Variants in NMBR observed in about 807,000 individuals in gnomAD.
The protein encoded by NMBR is neuromedin-B receptor.
A neutral mutation model predicts 20.5 loss-of-function variants in NMBR; 16 were observed. The observed-to-expected ratio is 0.78, with a 90% CI of 0.53 to 1.19. NMBR has a LOEUF of 1.19. Ranked by LOEUF, NMBR falls within the 50% of genes most tolerant of loss-of-function variation. NMBR has a pLI of 0.00. For missense variants in NMBR, 582 were observed against 499.1 expected, an observed-to-expected ratio of 1.17 and a Z score of -1.58; for synonymous variants, 212 against 196.6, an observed-to-expected ratio of 1.08 and a Z score of -0.65.
intron 1 of NMBR, among the ~76,000 whole-genome samples, chr6:142,120,685 T>A (rs763901116): frequency 2.6e-5 from 4 of 151,964 alleles, no homozygotes; most frequent in Non-Finnish European, 2.9e-5. Flanking sequence ...GTTACCTTGG[T>A]TGTCAGCCTA....
intron 2 of NMBR, among the ~76,000 whole-genome samples, chr6:142,080,311 CTTTT>C (rs767477652): frequency 8.6e-6 from 1 of 116,188 alleles, no homozygotes; most frequent in Non-Finnish European, 1.7e-5. Context: ...TGCCCTATAT[CTTTT>C]TTTTTTTTTT....
Position 142,075,788 on chromosome 6 carries a change from A to T in NMBR, c.1033T>A (p.Ser345Thr), listed in dbSNP as rs544356213. ...TAGCTGGTTCCTCTCTCTTGATAGG[A>T]CTTCCTCCCACAGCAGAGTTGGCTG... ...FNSQLCCGRK[S>T]YQERGTSYLL... is the part of the protein sequence containing the mutation. The change falls in exon 4 of 4, where the codon TCC (serine) becomes ACC (threonine). Residue 345 changes from serine (S) to threonine (T), a missense_variant. Transcript: ENST00000258042. 5 of 1,614,070 alleles carry T rather than the reference A, an allele frequency of 3.1e-6. No homozygotes were observed. In the East Asian group the frequency reaches 8.9e-5, roughly 29 times the overall value.
intron 2 of NMBR, among the ~76,000 whole-genome samples, chr6:142,085,098 C>T (rs1777174139): frequency 6.6e-6 from 1 of 152,180 alleles, no homozygotes; most frequent in South Asian, 2.1e-4. Context: ...ATACCATGCA[C>T]TGTCTCTCCT....
intron 1 of NMBR, among the ~76,000 whole-genome samples, chr6:142,092,213 T>C (rs538943458): frequency 1.3e-5 from 2 of 151,968 alleles, no homozygotes; most frequent in South Asian, 4.2e-4. Context: ...AAAATGGAAC[T>C]GGCGAAAGAA....
At chr6:142,124,801 CAATA>C (rs1274456893) in intron 1 of NMBR, among the ~76,000 whole-genome samples, 1 of 151,784 alleles carries the variant, frequency 6.6e-6, no homozygotes, top group African/African-American at 2.4e-5. Flanking sequence ...AAATTACTGA[CAATA>C]AATCTCAGAG....
At chr6:142,118,864 A>C (rs922599929) in intron 1 of NMBR, among the ~76,000 whole-genome samples, 3 of 152,042 alleles carry the variant, frequency 2.0e-5, no homozygotes, top group Non-Finnish European at 4.4e-5. Flanking sequence ...TGTGTCTTAC[A>C]TTCATGCTCC....
intron 1 of NMBR, among the ~76,000 whole-genome samples, chr6:142,138,449 TA>T (rs1433791409): frequency 6.6e-6 from 1 of 152,140 alleles, no homozygotes; most frequent in Non-Finnish European, 1.5e-5. Context: ...CATCAAGATT[TA>T]ATACCTTTAT....
intron 1 of NMBR, among the ~76,000 whole-genome samples, chr6:142,111,939 C>G (rs76797693): frequency 1.2e-3 from 177 of 152,266 alleles, no homozygotes; most frequent in African/African-American, 4.1e-3. Context: ...ATACTTCAAC[C>G]CTTTCTAATT....
Position 142,075,099 on chromosome 6 carries a change from CAT to C in NMBR, c.*547_*548del, listed in dbSNP as rs916824986. Among the ~76,000 whole-genome samples the C allele has an allele frequency of 2.6e-5, 3 of 115,332 alleles. No individual in the cohort carries two copies. The highest frequency in any genetic ancestry group is 5.2e-5 in the Non-Finnish European group (3 of 57,632). The allele number at this position is 115,332 out of a possible 152,430, so 75.7% of individuals were successfully genotyped here. On this transcript the variant is annotated 3_prime_UTR_variant, in exon 4 of 4. Coordinates refer to ENST00000258042, the MANE Select transcript of NMBR (RefSeq NM_002511.4). ...GTGTGTGTGTACATATATACATATACATATATATATACACACACACACACACT... is the reference window on the plus strand; with the variant it reads ...GTGTGTGTGTACATATATACATATACATATATATACACACACACACACACT...
At chr6:142,096,144 T>C (rs1366250663) in intron 1 of NMBR, among the ~76,000 whole-genome samples, 11 of 151,964 alleles carry the variant, frequency 7.2e-5, no homozygotes, top group Admixed American at 5.3e-4. Context: ...TTTTGTGTCT[T>C]TATTTCCTTC....
chr6:142,134,537 A>G, intron 1 of NMBR: 1 of 542,856 alleles, frequency 1.8e-6, no homozygotes, highest in Non-Finnish European at 3.2e-6. Context: ...TAGGTGTTCT[A>G]GGCATTACAA....
At chr6:142,127,462 T>C (rs954869891) in intron 1 of NMBR, among the ~76,000 whole-genome samples, 6 of 152,030 alleles carry the variant, frequency 3.9e-5, no homozygotes, top group African/African-American at 1.4e-4. Context: ...ATTGCTTTGG[T>C]TATTTGGGAT....
chr6:142,116,750 T>C (rs1777862551), intron 1 of NMBR, among the ~76,000 whole-genome samples: 1 of 152,044 alleles, frequency 6.6e-6, no homozygotes, highest in African/African-American at 2.4e-5. Context: ...TCCGTTAAAA[T>C]TTGTTATAAA....
chr6:142,081,068 G>A (rs965139034), intron 2 of NMBR, among the ~76,000 whole-genome samples: 35 of 152,300 alleles, frequency 2.3e-4, no homozygotes, highest in Admixed American at 1.9e-3. Context: ...GACATTGAGA[G>A]ATTCAGTGTC....
chr6:142,140,324 T>G (rs1001290284), intron 1 of NMBR, among the ~76,000 whole-genome samples: 1 of 152,212 alleles, frequency 6.6e-6, no homozygotes, highest in Admixed American at 6.5e-5. Flanking sequence ...GTAATATATG[T>G]AAAGTATATT....
intron 1 of NMBR, among the ~76,000 whole-genome samples, chr6:142,124,717 A>G (rs1562245056): frequency 6.6e-6 from 1 of 151,954 alleles, no homozygotes; most frequent in Non-Finnish European, 1.5e-5. Flanking sequence ...AATATTTGAA[A>G]TATGAACTCA....
intron 1 of NMBR, chr6:142,133,965 T>C: frequency 2.8e-6 from 2 of 702,560 alleles, no homozygotes; most frequent in Non-Finnish European, 5.2e-6. Context: ...TTGCACTTCA[T>C]TTGCGATCCA....
chr6:142,086,465 C>A (rs188196533), intron 2 of NMBR, among the ~76,000 whole-genome samples: 8 of 152,126 alleles, frequency 5.3e-5, no homozygotes, highest in Admixed American at 4.6e-4. Flanking sequence ...GAAGTGTAGA[C>A]AATATATAAC....
chr6:142,100,580 AT>A (rs1190115776), intron 1 of NMBR, among the ~76,000 whole-genome samples: 1 of 150,988 alleles, frequency 6.6e-6, no homozygotes, highest in Non-Finnish European at 1.5e-5. Context: ...ATCGCAGAGG[AT>A]TTTGCAGTAG....
Sources: allele counts gnomAD v4.1 joint callset (sites outside exome capture counted in the v4.1 genomes callset), GRCh38; gene constraint gnomAD v4.1.1; transcripts MANE v1.5; gene names NCBI Gene and HGNC (gene_info 2026-07-23, HGNC 2026-07-21).